HFM1: variants seen among roughly 807,000 people sequenced by gnomAD.
HFM1 encodes probable ATP-dependent DNA helicase HFM1.
A neutral mutation model predicts 192.1 loss-of-function variants in HFM1; 169 were observed. That is an observed-to-expected ratio of 0.88 (90% CI 0.78 to 1.00). The LOEUF (loss-of-function observed/expected upper bound fraction) is 1.00, where lower values mean the gene tolerates loss of function less well. Ranked by LOEUF, HFM1 falls within the 50% of genes least tolerant of loss-of-function variation. The pLI, the probability that HFM1 is intolerant of heterozygous loss-of-function variation, is 0.00. For missense variants in HFM1, 1,661 were observed against 1,668.0 expected (o/e 1.00, Z 0.07); for synonymous variants, 525 against 537.8 (o/e 0.98, Z 0.33).
At chr1:91,400,420 G>A (rs1197556232) in intron 2 of HFM1, among the ~76,000 whole-genome samples, 1 of 151,874 alleles carries the variant, frequency 6.6e-6, no homozygotes, top group African/African-American at 2.4e-5. Context: ...CTTTAGCTTG[G>A]CCAAAAATAA....
At chr1:91,386,815 G>C (rs1393683825) in intron 4 of HFM1, among the ~76,000 whole-genome samples, 2 of 152,162 alleles carry the variant, frequency 1.3e-5, no homozygotes, top group South Asian at 2.1e-4. Context: ...GTCAGCAACT[G>C]CATTTCACGC....
intron 13 of HFM1, among the ~76,000 whole-genome samples, chr1:91,360,742 A>AT (rs1658385938): frequency 6.6e-6 from 1 of 152,166 alleles, no homozygotes. Flanking sequence ...CAGAATATAC[A>AT]TTTTTCTGAT....
At chr1:91,358,620 C>A (rs1343949119) in intron 13 of HFM1, among the ~76,000 whole-genome samples, 1 of 152,114 alleles carries the variant, frequency 6.6e-6, no homozygotes, top group African/African-American at 2.4e-5. Context: ...CACCCTTATA[C>A]CATACACAAA....
At chr1:91,405,663 A>T (rs2102248704), upstream of HFM1, among the ~76,000 whole-genome samples, 1 of 152,278 alleles carries the variant, frequency 6.6e-6, no homozygotes, top group East Asian at 1.9e-4. Flanking sequence ...TAACTCCTAG[A>T]TACTGCTGCA....
intron 13 of HFM1, among the ~76,000 whole-genome samples, chr1:91,365,236 A>G (rs1659135119): frequency 6.6e-6 from 1 of 152,196 alleles, no homozygotes; most frequent in Non-Finnish European, 1.5e-5. Flanking sequence ...ATGTAGGTCA[A>G]AGGATATACA....
intron 20 of HFM1, among the ~76,000 whole-genome samples, chr1:91,342,164 T>A (rs960188753): frequency 7.7e-6 from 1 of 130,070 alleles, no homozygotes; most frequent in Admixed American, 7.9e-5. Context: ...CAGGCGAATA[T>A]TCCTGATGAA....
intron 13 of HFM1, among the ~76,000 whole-genome samples, chr1:91,368,586 C>T (rs1180128130): frequency 6.6e-6 from 1 of 152,130 alleles, no homozygotes; most frequent in East Asian, 1.9e-4. Flanking sequence ...CCTAAAAGAG[C>T]TCCTGAAGGA....
intron 11 of HFM1, chr1:91,377,726 C>T (rs1293304322): frequency 5.7e-6 from 2 of 349,224 alleles, no homozygotes; most frequent in Middle Eastern, 8.2e-4. Context: ...CTAGTTACAA[C>T]AACCATCACA....
chr1:91,391,307 A>C (rs577101424), intron 4 of HFM1, among the ~76,000 whole-genome samples: 5 of 152,354 alleles, frequency 3.3e-5, no homozygotes, highest in South Asian at 2.1e-4. Context: ...AATCCTAAGC[A>C]AAAAGAACAA....
intron 34 of HFM1, among the ~76,000 whole-genome samples, chr1:91,270,095 A>G (rs1351301734): frequency 6.6e-6 from 1 of 152,162 alleles, no homozygotes; most frequent in Non-Finnish European, 1.5e-5. Flanking sequence ...CACTTTGAAT[A>G]TTATGGATTG....
In HFM1 at chr1:91,394,399, T is replaced by C. The variant is rs1260654562; in HGVS notation, c.188A>G (p.Gln63Arg). The C allele has an allele frequency of 6.1e-6, 9 of 1,468,980 alleles. No homozygotes were observed. Among genetic ancestry groups the C allele is most frequent in the Non-Finnish European group, 7.5e-6 (8 of 1,067,322 alleles). 91.0% of individuals were successfully genotyped at this position (1,468,980 alleles called of 1,614,324 possible). A position where few individuals can be genotyped will look rare whatever the true frequency, so the allele number is the denominator to read the frequency against. The change falls in exon 4 of 39, where the codon CAG (glutamine) becomes CGG (arginine). Residue 63 changes from glutamine to arginine, a missense_variant. Gln to Arg is a conservative substitution (Grantham distance 43). Coordinates refer to ENST00000370425, the MANE Select transcript of HFM1 (RefSeq NM_001017975.6). The part of the protein sequence containing the change: ...EELESHKLLG[Q>R]EKRPKMLTSN... The stretch of plus-strand genomic sequence containing the variant: ...TGTTAACATTTTTGGCCTCTTTTCC[T>C]GACCTACAAAAAAGGAATATCTTAA...
chr1:91,273,875 A>T, intron 33 of HFM1, 60 bp from the exon 34 acceptor site: 1 of 912,180 alleles, frequency 1.1e-6, no homozygotes, highest in South Asian at 1.5e-5. Flanking sequence ...TCTAAGCCTG[A>T]AAACTATTTA....
At chr1:91,317,900 T>C (rs974923405) in intron 25 of HFM1, among the ~76,000 whole-genome samples, 4 of 152,172 alleles carry the variant, frequency 2.6e-5, no homozygotes, top group African/African-American at 9.7e-5. Context: ...TGGGCAATAT[T>C]TGCTTTTTTC....
In HFM1 at chr1:91,322,928, CAT is replaced by C. The variant is rs750740862; in HGVS notation, c.2582+20_2582+21del. ...TTTAAAACCAAAAAAAGAAAACTTT[CAT>C]AAGTATGAATCATCTTTACCAATTT... is the stretch of plus-strand genomic sequence containing the variant. On this transcript the variant is annotated intron_variant, in intron 23 of 38. Transcript: ENST00000370425. 1 of 1,136,730 alleles carries C rather than the reference CAT, an allele frequency of 8.8e-7. No homozygotes were observed. The allele number at this position is 1,136,730 out of a possible 1,614,324, so 70.4% of individuals were successfully genotyped here.
At chr1:91,354,009 A>G (rs1657370984) in intron 13 of HFM1, among the ~76,000 whole-genome samples, 1 of 151,754 alleles carries the variant, frequency 6.6e-6, no homozygotes, top group Non-Finnish European at 1.5e-5. Context: ...ATTCCAAAAA[A>G]CAGAAATTTG....
intron 30 of HFM1, among the ~76,000 whole-genome samples, chr1:91,302,140 C>G (rs1197146516): frequency 2.0e-5 from 3 of 151,038 alleles, no homozygotes; most frequent in African/African-American, 7.3e-5. Context: ...ACAGACACTT[C>G]TCAAAAGAAG....
intron 20 of HFM1, among the ~76,000 whole-genome samples, chr1:91,337,367 A>G (rs1654741359): frequency 1.3e-5 from 2 of 152,212 alleles, no homozygotes; most frequent in African/African-American, 4.8e-5. Flanking sequence ...AAAAGCAAAA[A>G]CTATATGAAG....
chr1:91,324,102 T>C (rs1978902), intron 21 of HFM1, among the ~76,000 whole-genome samples: 30,349 of 152,250 alleles, frequency 0.2, 3,447 homozygotes, highest in Non-Finnish European at 0.27. Context: ...TTCTATTCAC[T>C]GCTGCAGCTG....
chr1:91,266,704 C>T (rs1169402965), intron 35 of HFM1, among the ~76,000 whole-genome samples: 2 of 152,082 alleles, frequency 1.3e-5, no homozygotes, highest in East Asian at 1.9e-4. Context: ...AAAGCTGTGC[C>T]GTCTTAGGAC....
Sources: allele counts gnomAD v4.1 joint callset (sites outside exome capture counted in the v4.1 genomes callset), GRCh38; gene constraint gnomAD v4.1.1; transcripts MANE v1.5; gene names NCBI Gene and HGNC (gene_info 2026-07-23, HGNC 2026-07-21).